NAT1: variants seen among roughly 807,000 people sequenced by gnomAD.
The protein encoded by NAT1 is arylamine N-acetyltransferase 1.
For synonymous variants in NAT1, 144 were observed against 122.6 expected (o/e 1.17, Z -1.16); for missense variants, 400 against 339.2 (o/e 1.18, Z -1.41).
chr8:18,186,317 T>C (rs1180388767), intron 2 of NAT1, among the ~76,000 whole-genome samples: 2 of 152,200 alleles, frequency 1.3e-5, no homozygotes, highest in Admixed American at 1.3e-4. Context: ...TAATTCCAAA[T>C]GAATTAATGT....
At chr8:18,183,417 T>C (rs1802602079) in intron 2 of NAT1, among the ~76,000 whole-genome samples, 1 of 152,176 alleles carries the variant, frequency 6.6e-6, no homozygotes, top group African/African-American at 2.4e-5. Flanking sequence ...TTCTCAATAG[T>C]CCCGGTAAGT....
intron 2 of NAT1, among the ~76,000 whole-genome samples, chr8:18,190,026 G>C (rs1486217772): frequency 6.6e-6 from 1 of 152,184 alleles, no homozygotes; most frequent in African/African-American, 2.4e-5. Context: ...CTGACCACAA[G>C]GGATCTGTCC....
chr8:18,195,721 TC>T (rs199885671), intron 2 of NAT1, among the ~76,000 whole-genome samples: 3,023 of 152,246 alleles, frequency 0.02, 90 homozygotes, highest in African/African-American at 0.068. Context: ...AATAGTGTGG[TC>T]TGTCCTCCTG....
At chr8:18,206,067 G>A (rs1336526330), upstream of NAT1, among the ~76,000 whole-genome samples, 1 of 152,188 alleles carries the variant, frequency 6.6e-6, no homozygotes, top group African/African-American at 2.4e-5. Context: ...CACATCGGCT[G>A]GTTTGCTGCC....
intron 2 of NAT1, among the ~76,000 whole-genome samples, chr8:18,202,547 G>A (rs187987044): frequency 2.6e-3 from 396 of 152,248 alleles, no homozygotes; most frequent in Non-Finnish European, 4.3e-3. Flanking sequence ...CAGATGTTCA[G>A]ATGTGGCCTC....
chr8:18,185,233 G>GT (rs1233386346), intron 2 of NAT1, among the ~76,000 whole-genome samples: 2 of 152,048 alleles, frequency 1.3e-5, no homozygotes, highest in African/African-American at 4.8e-5. Flanking sequence ...GTTTATAAAA[G>GT]TTTTGTAAAT....
rs1554472500 is a variant in NAT1, at chr8:18,204,163, T to TTA, written n.93-5617_93-5616insAT. ...TGCCTCCTTGACTTTTTGGATGTCT[T>TTA]TCTCTCTCTCTCTCTCTCTCTCGCA... On this transcript the variant is annotated intron_variant and non_coding_transcript_variant, in intron 2 of 4. Coordinates refer to the NAT1 transcript ENST00000517441. 5.4e-5 allele frequency among the ~76,000 whole-genome samples: 8 copies of TTA among 148,722 alleles called. No homozygotes were observed. In the East Asian group the frequency reaches 9.8e-4, roughly 18 times the overall value.
chr8:18,205,212 A>G (rs2117306233), upstream of NAT1, among the ~76,000 whole-genome samples: 1 of 152,326 alleles, frequency 6.6e-6, no homozygotes, highest in Non-Finnish European at 1.5e-5. Flanking sequence ...TTGTCAGCTG[A>G]GGCAGAGTGC....
At chr8:18,171,912 T>TA (rs2117190222) in intron 2 of NAT1, among the ~76,000 whole-genome samples, 1 of 152,312 alleles carries the variant, frequency 6.6e-6, no homozygotes, top group African/African-American at 2.4e-5. Context: ...TGAGGTAGTT[T>TA]AGGGAAAAAT....
chr8:18,181,708 C>T (rs574913561), intron 2 of NAT1, among the ~76,000 whole-genome samples: 21 of 152,224 alleles, frequency 1.4e-4, no homozygotes, highest in South Asian at 4.1e-4. Flanking sequence ...ATGTTAGCTG[C>T]GGGTTGTCAT....
chr8:18,199,089 G>A (rs1439487299), intron 2 of NAT1, among the ~76,000 whole-genome samples: 1 of 151,920 alleles, frequency 6.6e-6, no homozygotes, highest in Non-Finnish European at 1.5e-5. Context: ...CAAGGCAGGT[G>A]GATTACTTGA....
chr8:18,207,354 A>T (rs2117313670), upstream of NAT1, among the ~76,000 whole-genome samples: 1 of 152,144 alleles, frequency 6.6e-6, no homozygotes, highest in South Asian at 2.1e-4. Context: ...TTAGCTATCC[A>T]GGCTCTTGTT....
intron 1 of NAT1, chr8:18,216,790 G>T (rs1804718766): frequency 2.7e-6 from 2 of 736,596 alleles, no homozygotes; most frequent in Non-Finnish European, 4.3e-6. Flanking sequence ...TACTGGGTAT[G>T]ATGAGAATTT....
intron 2 of NAT1, among the ~76,000 whole-genome samples, chr8:18,199,993 T>C (rs1803395706): frequency 6.6e-6 from 1 of 152,182 alleles, no homozygotes; most frequent in Non-Finnish European, 1.5e-5. Context: ...GAATGGCTAA[T>C]ATTAAAATGT....
chr8:18,220,898 A>C (rs180940265), intron 2 of NAT1, among the ~76,000 whole-genome samples: 1 of 152,292 alleles, frequency 6.6e-6, no homozygotes, highest in African/African-American at 2.4e-5. Context: ...TATGTGTTCA[A>C]ATTGGTCCCA....
intron 2 of NAT1, among the ~76,000 whole-genome samples, chr8:18,179,556 C>T (rs946351746): frequency 6.6e-6 from 1 of 152,132 alleles, no homozygotes; most frequent in Non-Finnish European, 1.5e-5. Context: ...TTGAAATGAG[C>T]ACAGAAAGAA....
chr8:18,201,806 C>G (rs1320601811), intron 2 of NAT1, among the ~76,000 whole-genome samples: 2 of 152,170 alleles, frequency 1.3e-5, no homozygotes, highest in African/African-American at 4.8e-5. Flanking sequence ...TTCGGGGTAT[C>G]TAAGTGCTCT....
chr8:18,217,360 G>C (rs1196291890), intron 1 of NAT1, among the ~76,000 whole-genome samples: 2 of 152,222 alleles, frequency 1.3e-5, no homozygotes, highest in Admixed American at 1.3e-4. Context: ...CTTCCGGTAA[G>C]CACAGCTGAA....
At chr8:18,173,536 G>C (rs956039753) in intron 2 of NAT1, among the ~76,000 whole-genome samples, 1 of 152,130 alleles carries the variant, frequency 6.6e-6, no homozygotes, top group African/African-American at 2.4e-5. Context: ...AACTGGGATG[G>C]CAATTGCAGA....
Sources: gnomAD v4.1 joint callset for allele counts (sites outside exome capture counted in the v4.1 genomes callset) on GRCh38, gnomAD v4.1.1 for gene constraint, MANE v1.5 for transcripts, NCBI Gene and HGNC (gene_info 2026-07-23, HGNC 2026-07-21) for gene names.